Variants in RALB observed in about 807,000 individuals in gnomAD.
The protein encoded by RALB is RAS like proto-oncogene B.
RALB carries 16 observed loss-of-function variants against 21.3 expected under a neutral mutation model. The ratio of observed to expected loss-of-function variants is 0.75; its 90% confidence interval spans 0.51 to 1.14. RALB has a LOEUF of 1.14. Among genes scored for constraint, RALB ranks in the 50% most tolerant of loss-of-function variants. The probability of loss-of-function intolerance (pLI) is 0.00; values close to 1 mark genes in which losing one functional copy is unlikely to be tolerated. For synonymous variants in RALB, 93 were observed against 96.1 expected (o/e 0.97, Z 0.19); for missense variants, 161 against 256.2 (o/e 0.63, Z 2.54).
chr2:120,249,970 C>T (rs1331436465), upstream of RALB, among the ~76,000 whole-genome samples: 1 of 152,226 alleles, frequency 6.6e-6, no homozygotes, highest in African/African-American at 2.4e-5. Context: ...GCCTGAAATA[C>T]TCTCCTGTCC....
At chr2:120,244,663 T>C (rs1001078762) in intron 1 of RALB, among the ~76,000 whole-genome samples, 1 of 152,206 alleles carries the variant, frequency 6.6e-6, no homozygotes, top group South Asian at 2.1e-4. Flanking sequence ...CATCCGTCCA[T>C]GGACAGATAC....
chr2:120,282,518 C>T (rs2104646856), intron 2 of RALB, among the ~76,000 whole-genome samples: 1 of 121,396 alleles, frequency 8.2e-6, no homozygotes, highest in Admixed American at 1.1e-4. Flanking sequence ...GCTGAGGAGA[C>T]TAGGAGAGCC....
upstream of RALB, among the ~76,000 whole-genome samples, chr2:120,247,991 A>G (rs1438223433): frequency 6.6e-6 from 1 of 152,240 alleles, no homozygotes. Flanking sequence ...GAGCCTGTGC[A>G]ACCCATGCCT....
At chr2:120,260,498 C>G (rs574254751) in intron 1 of RALB, among the ~76,000 whole-genome samples, 49 of 152,312 alleles carry the variant, frequency 3.2e-4, no homozygotes, top group African/African-American at 1.1e-3. Flanking sequence ...TCCTCAGGTT[C>G]GTAAGTTGTC....
At chr2:120,265,779 TAGA>T (rs1404052369) in intron 1 of RALB, among the ~76,000 whole-genome samples, 2 of 15,680 alleles carry the variant, frequency 1.3e-4, no homozygotes, top group Non-Finnish European at 3.1e-4. Context: ...GCTATAGAAG[TAGA>T]AGTAGAAGTA....
chr2:120,278,255 G>A (rs1186148832), intron 1 of RALB, among the ~76,000 whole-genome samples: 5 of 152,194 alleles, frequency 3.3e-5, no homozygotes, highest in East Asian at 1.9e-4. Flanking sequence ...CGCGGCAGCC[G>A]AGAACCGAGC....
intron 1 of RALB, among the ~76,000 whole-genome samples, chr2:120,240,541 C>T (rs188113067): frequency 2.1e-4 from 32 of 152,236 alleles, no homozygotes; most frequent in Admixed American, 4.6e-4. Flanking sequence ...CTCAAGGATC[C>T]GCCTGCCTTG....
At chr2:120,278,118 TGTGA>T (rs1689888997) in intron 1 of RALB, among the ~76,000 whole-genome samples, 1 of 151,098 alleles carries the variant, frequency 6.6e-6, no homozygotes, top group Admixed American at 6.6e-5. Context: ...AGTGACCGTT[TGTGA>T]GTGTGAATGT....
At chr2:120,269,521 G>C (rs558063834) in intron 1 of RALB, among the ~76,000 whole-genome samples, 2 of 152,222 alleles carry the variant, frequency 1.3e-5, no homozygotes, top group African/African-American at 4.8e-5. Flanking sequence ...GTCCATTTTA[G>C]AGAGCACTGA....
chr2:120,287,274 G>A (rs1690189316), intron 3 of RALB, among the ~76,000 whole-genome samples: 1 of 152,170 alleles, frequency 6.6e-6, no homozygotes, highest in African/African-American at 2.4e-5. Flanking sequence ...AAGATAATAG[G>A]GAGGTGCCTC....
At chr2:120,270,923 A>G (rs1212848226) in intron 1 of RALB, among the ~76,000 whole-genome samples, 2 of 152,194 alleles carry the variant, frequency 1.3e-5, no homozygotes, top group South Asian at 2.1e-4. Flanking sequence ...TTCAGTTCAT[A>G]CTGTCTGGAG....
rs763321139 is a variant in RALB, at chr2:120,278,642, C to T, written c.-23C>T. The T allele has an allele frequency of 6.4e-7, 1 of 1,571,950 alleles. No homozygotes were observed. Among genetic ancestry groups the T allele is most frequent in the African/African-American group, 1.4e-5 (1 of 73,722 alleles). The stretch of plus-strand genomic sequence containing the variant: ...GCTCTTCAGTGGGTCATCTGTGTGT[C>T]ACAGCCTCAGAAGACCAGCGAGATG... On this transcript the variant is annotated 5_prime_UTR_variant, in exon 2 of 5. Coordinates refer to ENST00000272519, the MANE Select transcript of RALB (RefSeq NM_002881.3).
intron 2 of RALB, among the ~76,000 whole-genome samples, chr2:120,280,016 C>T (rs192874857): frequency 7.2e-5 from 11 of 152,270 alleles, no homozygotes; most frequent in Admixed American, 1.3e-4. Flanking sequence ...GTACTCCAAC[C>T]GCCCACTGTG....
At chr2:120,251,264 C>T (rs185674238), upstream of RALB, among the ~76,000 whole-genome samples, 2 of 152,258 alleles carry the variant, frequency 1.3e-5, no homozygotes, top group African/African-American at 2.4e-5. Context: ...CCAGGCTGCA[C>T]GCGGTCACAC....
In RALB at chr2:120,247,563, C is replaced by T. The variant is rs140245317; in HGVS notation, c.19+7438C>T. 3.9e-3 allele frequency among the ~76,000 whole-genome samples: 600 copies of T among 152,238 alleles called. 4 individuals carry two copies. The highest frequency in any genetic ancestry group is 0.014 in the African/African-American group (564 of 41,524). ...GGGAAAAGTGGTTTTTAAAGTCCCT[C>T]GTAAAGTCCTGACTTACCACAGTTT... On this transcript the variant is annotated intron_variant, in intron 1 of 3. Transcript: ENST00000447591.
At chr2:120,277,892 AGT>A (rs988072370) in intron 1 of RALB, among the ~76,000 whole-genome samples, 66 of 148,882 alleles carry the variant, frequency 4.4e-4, no homozygotes, top group African/African-American at 1.6e-3. Context: ...TGTGAAAATG[AGT>A]GTGAGCGTGT....
chr2:120,286,844 A>C (rs771263378), intron 3 of RALB, among the ~76,000 whole-genome samples: 46 of 152,222 alleles, frequency 3.0e-4, no homozygotes, highest in Admixed American at 9.8e-4. Context: ...ACTATTCTCC[A>C]TGAAGGTGTT....
At chr2:120,292,980 T>C (rs1690342655) in intron 4 of RALB, among the ~76,000 whole-genome samples, 161 bp from the exon 5 acceptor site, 1 of 152,252 alleles carries the variant, frequency 6.6e-6, no homozygotes, top group South Asian at 2.1e-4. Flanking sequence ...TAAAAATCAG[T>C]TTGACTTTGT....
At chr2:120,241,360 G>A (rs1011787749) in intron 1 of RALB, among the ~76,000 whole-genome samples, 18 of 152,170 alleles carry the variant, frequency 1.2e-4, no homozygotes, top group Admixed American at 9.8e-4. Flanking sequence ...TGCTATGAGC[G>A]GGGCTCGAAG....
Sources: gnomAD v4.1 joint callset for allele counts (sites outside exome capture counted in the v4.1 genomes callset) on GRCh38, gnomAD v4.1.1 for gene constraint, MANE v1.5 for transcripts, NCBI Gene and HGNC (gene_info 2026-07-23, HGNC 2026-07-21) for gene names.